PTPRT: variants seen among roughly 807,000 people sequenced by gnomAD.
PTPRT encodes the protein receptor-type tyrosine-protein phosphatase T.
A neutral mutation model predicts 176.8 loss-of-function variants in PTPRT; 56 were observed. That is an observed-to-expected ratio of 0.32 (90% CI 0.26 to 0.40). The LOEUF (loss-of-function observed/expected upper bound fraction) is 0.40. PTPRT is among the 10% of genes least tolerant of loss of function. PTPRT has a pLI of 1.00. For synonymous variants in PTPRT, 783 were observed against 739.0 expected (o/e 1.06, Z -0.96); for missense variants, 1,540 against 1,908.2 (o/e 0.81, Z 3.60).
the PTPRT span, among the ~76,000 whole-genome samples, chr20:42,059,325 C>G: frequency 6.6e-6 from 1 of 152,082 alleles, no homozygotes; most frequent in Non-Finnish European, 1.5e-5. Context: ...GTGGCCTGAC[C>G]ATATTGGTAT....
chr20:42,050,204 T>C, the PTPRT span, among the ~76,000 whole-genome samples: 1 of 152,188 alleles, frequency 6.6e-6, no homozygotes, highest in African/African-American at 2.4e-5. Context: ...TTTCGTGGTC[T>C]CCGTAGGATG....
intron 7 of PTPRT, among the ~76,000 whole-genome samples, chr20:42,544,984 C>T (rs2072649412): frequency 6.6e-6 from 1 of 152,138 alleles, no homozygotes; most frequent in South Asian, 2.1e-4. Flanking sequence ...TGTACACTCC[C>T]CAGCTTCGCC....
At chr20:42,363,435 C>T (rs908968847) in intron 9 of PTPRT, among the ~76,000 whole-genome samples, 95 of 149,412 alleles carry the variant, frequency 6.4e-4, no homozygotes, top group African/African-American at 9.6e-4. Flanking sequence ...CTCAGCCTCC[C>T]GAGTAAGTGG....
At chr20:42,617,402 T>G (rs1569021791) in intron 7 of PTPRT, among the ~76,000 whole-genome samples, 1 of 133,898 alleles carries the variant, frequency 7.5e-6, no homozygotes, top group Non-Finnish European at 1.6e-5. Context: ...AAAATTCTCT[T>G]TTTTGGTTGT....
intron 2 of PTPRT, among the ~76,000 whole-genome samples, chr20:42,834,689 A>G (rs2078150994): frequency 6.6e-6 from 1 of 152,024 alleles, no homozygotes; most frequent in Non-Finnish European, 1.5e-5. Flanking sequence ...AATTCACCGT[A>G]CCCCACCACC....
chr20:42,586,219 C>T (rs1254399184), intron 7 of PTPRT, among the ~76,000 whole-genome samples: 4 of 152,108 alleles, frequency 2.6e-5, no homozygotes, highest in African/African-American at 4.8e-5. Flanking sequence ...ATTATAAATG[C>T]ACAATACTTT....
chr20:42,819,197 G>A lies in PTPRT; in HGVS notation c.215-27731C>T, dbSNP rs1011322719. ...AGGGAAGCCCATCAGACTAACAGTG[G>A]ACCTCTGGGCAGAAACTCCAGAGGC... On this transcript the variant is annotated intron_variant, in intron 2 of 30. Coordinates refer to ENST00000373187, the MANE Select transcript of PTPRT (RefSeq NM_007050.6). 8.5e-5 allele frequency among the ~76,000 whole-genome samples: 13 copies of A among 152,152 alleles called. No individual in the cohort carries two copies. In the East Asian group the frequency reaches 1.2e-3, roughly 14 times the overall value.
intron 1 of PTPRT, among the ~76,000 whole-genome samples, chr20:42,995,514 A>C (rs1984172970): frequency 6.6e-6 from 1 of 152,108 alleles, no homozygotes; most frequent in South Asian, 2.1e-4. Flanking sequence ...CCTACCTCTG[A>C]AACACTGGGC....
chr20:42,217,380 C>T (rs1243937619), intron 15 of PTPRT, among the ~76,000 whole-genome samples: 1 of 97,820 alleles, frequency 1.0e-5, no homozygotes, highest in African/African-American at 5.2e-5. Flanking sequence ...CAAACATACA[C>T]ACACACACAC....
At chr20:43,082,440 C>G (rs962438331) in intron 1 of PTPRT, among the ~76,000 whole-genome samples, 1 of 152,120 alleles carries the variant, frequency 6.6e-6, no homozygotes, top group Non-Finnish European at 1.5e-5. Context: ...TATCTAAAGA[C>G]TATTCATGAC....
chr20:42,953,999 C>G (rs568297409), intron 1 of PTPRT, among the ~76,000 whole-genome samples: 57 of 152,186 alleles, frequency 3.7e-4, no homozygotes, highest in African/African-American at 1.3e-3. Flanking sequence ...TATATCACAG[C>G]CTGGGAGATA....
chr20:42,810,966 G>A (rs971870888), intron 2 of PTPRT, among the ~76,000 whole-genome samples: 1 of 152,056 alleles, frequency 6.6e-6, no homozygotes, highest in African/African-American at 2.4e-5. Context: ...TTCCTTTTAT[G>A]CTCTTTAAAT....
intron 1 of PTPRT, among the ~76,000 whole-genome samples, chr20:43,162,677 C>G (rs1350398019): frequency 7.9e-6 from 1 of 126,782 alleles, no homozygotes. Flanking sequence ...AGGATCTGGT[C>G]TGGGGCTGCC....
chr20:42,641,847 G>C (rs1444938986), intron 7 of PTPRT, among the ~76,000 whole-genome samples: 1 of 152,106 alleles, frequency 6.6e-6, no homozygotes, highest in Non-Finnish European at 1.5e-5. Context: ...GCAATGCTTG[G>C]AGCCTGAAGT....
intron 9 of PTPRT, among the ~76,000 whole-genome samples, chr20:42,444,818 T>G (rs919852323): frequency 9.9e-5 from 15 of 152,246 alleles, no homozygotes; most frequent in Admixed American, 2.6e-4. Context: ...TGGTTTCATC[T>G]AATTAAATTT....
intron 12 of PTPRT, among the ~76,000 whole-genome samples, chr20:42,305,591 G>C (rs115269319): frequency 3.4e-4 from 51 of 152,224 alleles, no homozygotes; most frequent in African/African-American, 1.2e-3. Flanking sequence ...TTGAGTATCA[G>C]TTTTAACATG....
chr20:42,420,816 G>A (rs988911610), intron 9 of PTPRT, among the ~76,000 whole-genome samples: 3 of 152,308 alleles, frequency 2.0e-5, no homozygotes, highest in African/African-American at 4.8e-5. Flanking sequence ...CAACATTTGG[G>A]GGTGTTGCAG....
At chr20:42,895,291 G>C (rs1454516884) in intron 1 of PTPRT, among the ~76,000 whole-genome samples, 1 of 152,212 alleles carries the variant, frequency 6.6e-6, no homozygotes, top group Non-Finnish European at 1.5e-5. Context: ...CCTTCTCACT[G>C]TGTCCTCACA....
rs991428129 is a variant in PTPRT at position 43,189,862 on chromosome 20, C to G, written c.-129G>C. ...GCGCGGCTGGCTCCGCTCGGGCTCC[C>G]GGAGCCGGCGCTCCTGCGTTCCAAG... On this transcript the variant is annotated 5_prime_UTR_variant, in exon 1 of 31. Transcript: ENST00000373187. The surrounding 1 kb of genome is among the most constrained non-coding windows in gnomAD (Gnocchi z 5.0). The G allele has an allele frequency of 2.2e-5, 6 of 273,572 alleles. No homozygotes were observed. The highest frequency in any genetic ancestry group is 1.4e-4 in the African/African-American group (6 of 41,574). The allele number at this position is 273,572 out of a possible 1,614,324, so 16.9% of individuals were successfully genotyped here. A position where few individuals can be genotyped will look rare whatever the true frequency, so the allele number is the denominator to read the frequency against.
Sources: allele counts gnomAD v4.1 joint callset (sites outside exome capture counted in the v4.1 genomes callset), GRCh38; gene constraint gnomAD v4.1.1; non-coding constraint Gnocchi (gnomAD v3.1); transcripts MANE v1.5; gene names NCBI Gene and HGNC (gene_info 2026-07-23, HGNC 2026-07-21).